Variants in NSUN6 observed in about 807,000 individuals in gnomAD.
The protein encoded by NSUN6 is NOP2/Sun RNA methyltransferase 6, also known as tRNA (cytosine(72)-C(5))-methyltransferase NSUN6.
Under a neutral mutation model 58.0 loss-of-function variants are expected in NSUN6, and 64 were observed. The ratio of observed to expected loss-of-function variants is 1.10; its 90% CI spans 0.90 to 1.36. NSUN6 has a LOEUF of 1.36. NSUN6 is among the 40% of genes most tolerant of loss of function. The probability of loss-of-function intolerance (pLI) is 0.00; values close to 1 mark genes in which losing one functional copy is unlikely to be tolerated. For synonymous variants in NSUN6, 231 were observed against 193.9 expected (o/e 1.19, Z -1.59); for missense variants, 701 against 550.1 (o/e 1.27, Z -2.74).
At chr10:18,630,865 T>C (rs1327305801) in intron 3 of NSUN6, among the ~76,000 whole-genome samples, 140 of 152,010 alleles carry the variant, frequency 9.2e-4, no homozygotes, top group African/African-American at 2.8e-3. Flanking sequence ...ACTATTCCAA[T>C]CAATAGAAAA....
chr10:18,627,062 T>A (rs1343625458), intron 3 of NSUN6, among the ~76,000 whole-genome samples: 2 of 152,224 alleles, frequency 1.3e-5, no homozygotes, highest in Non-Finnish European at 2.9e-5. Flanking sequence ...TTTTAAAGGC[T>A]CTTTTATCAA....
intron 2 of NSUN6, among the ~76,000 whole-genome samples, chr10:18,647,734 T>TG (rs1564849149): frequency 7.7e-6 from 1 of 129,974 alleles, no homozygotes; most frequent in African/African-American, 2.8e-5. Context: ...TGTTTTTTTT[T>TG]TTTTTTTTTT....
intron 3 of NSUN6, among the ~76,000 whole-genome samples, chr10:18,626,693 G>A (rs771845038): frequency 3.3e-4 from 50 of 152,316 alleles, no homozygotes; most frequent in Non-Finnish European, 4.6e-4. Context: ...ACTTGAACAC[G>A]GAGGTGGAGG....
At chr10:18,608,081 A>C (rs2058103900) in intron 6 of NSUN6, among the ~76,000 whole-genome samples, 1 of 152,236 alleles carries the variant, frequency 6.6e-6, no homozygotes, top group Non-Finnish European at 1.5e-5. Context: ...AACAGCTTTC[A>C]CTAGAGAAAT....
At chr10:18,622,711 G>A (rs533227923) in intron 3 of NSUN6, among the ~76,000 whole-genome samples, 7 of 152,072 alleles carry the variant, frequency 4.6e-5, no homozygotes, top group Admixed American at 1.3e-4. Flanking sequence ...CTCCGCCTTG[G>A]GGGGAAAAAG....
intron 8 of NSUN6, among the ~76,000 whole-genome samples, chr10:18,584,505 A>G (rs2057040850): frequency 2.0e-5 from 3 of 152,210 alleles, no homozygotes; most frequent in Admixed American, 2.0e-4. Flanking sequence ...TACAAAAATG[A>G]AGACAAATGA....
At chr10:18,627,630 T>G (rs1017090294) in intron 3 of NSUN6, among the ~76,000 whole-genome samples, 1 of 152,118 alleles carries the variant, frequency 6.6e-6, no homozygotes, top group African/African-American at 2.4e-5. Context: ...TTCCCTTTCC[T>G]AGTCAAAGAA....
intron 8 of NSUN6, among the ~76,000 whole-genome samples, chr10:18,553,824 G>A (rs1235749703): frequency 6.6e-6 from 1 of 150,594 alleles, no homozygotes; most frequent in Non-Finnish European, 1.5e-5. Flanking sequence ...ATGGAGAATA[G>A]AGTAGAATAG....
At chr10:18,595,402 T>C (rs770432465) in intron 7 of NSUN6, among the ~76,000 whole-genome samples, 3 of 152,236 alleles carry the variant, frequency 2.0e-5, no homozygotes, top group Non-Finnish European at 2.9e-5. Context: ...TGCCATAATT[T>C]AATGGAGAAT....
At chr10:18,637,488 G>A (rs904132153) in intron 3 of NSUN6, among the ~76,000 whole-genome samples, 1 of 152,176 alleles carries the variant, frequency 6.6e-6, no homozygotes, top group African/African-American at 2.4e-5. Flanking sequence ...GAACTAAAAT[G>A]GCCAGTACTG....
upstream of NSUN6, among the ~76,000 whole-genome samples, chr10:18,656,548 G>A (rs532874940): frequency 6.6e-6 from 1 of 152,094 alleles, no homozygotes; most frequent in South Asian, 2.1e-4. Context: ...AAAAAGCAAT[G>A]GACAAATTGA....
At position 18,619,249 on chromosome 10, in the gene NSUN6, A is replaced by C. The variant is rs559156800; in HGVS notation, c.312-2956T>G. On this transcript the variant is annotated intron_variant, in intron 3 of 10. Transcript: ENST00000377304. ...GAATTGGCTTGGGACCAAACAGTTA[A>C]TTTCCCAGTTTGCAGGTTCCAATTT... 2.6e-5 allele frequency among the ~76,000 whole-genome samples: 4 copies of C among 152,174 alleles called. No individual in the cohort carries two copies. The South Asian group carries it at 8.3e-4, about 32-fold the overall frequency.
chr10:18,618,372 C>T (rs2058485462), intron 3 of NSUN6, among the ~76,000 whole-genome samples: 1 of 152,010 alleles, frequency 6.6e-6, no homozygotes, highest in Non-Finnish European at 1.5e-5. Flanking sequence ...ATTCTCTATA[C>T]CTGAGACTCA....
chr10:18,640,536 A>G lies in NSUN6; in HGVS notation c.311+1940T>C, dbSNP rs76745126. On this transcript the variant is annotated intron_variant, in intron 3 of 10. Coordinates refer to ENST00000377304, the MANE Select transcript of NSUN6 (RefSeq NM_182543.5). ...TAGTAACCTCCAAAGATCTGTGATT[A>G]TGGTCTATTATAGTAGCAGCTAACT... Among the ~76,000 whole-genome samples the G allele has an allele frequency of 5.5e-4, 84 of 152,326 alleles. 2 individuals carry two copies. In the East Asian group the frequency reaches 0.016, roughly 28 times the overall value.
At chr10:18,557,947 G>T (rs12217191) in intron 8 of NSUN6, among the ~76,000 whole-genome samples, 115,331 of 151,522 alleles carry the variant, frequency 0.76, 43,992 homozygotes, top group East Asian at 0.97. Context: ...GAGAATGGAA[G>T]GTAATCAAGA....
chr10:18,654,053 A>G (rs745358847), upstream of NSUN6, among the ~76,000 whole-genome samples: 1 of 152,192 alleles, frequency 6.6e-6, no homozygotes, highest in Non-Finnish European at 1.5e-5. Flanking sequence ...ATGTCTAGAA[A>G]GGCTCTTTAG....
intron 7 of NSUN6, among the ~76,000 whole-genome samples, chr10:18,595,978 A>G (rs1589998982): frequency 6.6e-6 from 1 of 152,250 alleles, no homozygotes; most frequent in African/African-American, 2.4e-5. Context: ...TTAACAGATT[A>G]AGTCTATAAT....
intron 3 of NSUN6, among the ~76,000 whole-genome samples, chr10:18,632,205 T>G (rs1334400941): frequency 6.6e-6 from 1 of 152,046 alleles, no homozygotes; most frequent in Non-Finnish European, 1.5e-5. Context: ...TAGCCATATG[T>G]AGAAAGCTGA....
chr10:18,632,167 G>T lies in NSUN6; in HGVS notation c.311+10309C>A, dbSNP rs868191836. Among the ~76,000 whole-genome samples, 1,038 of 151,864 alleles carry T rather than the reference G, an allele frequency of 6.8e-3. 6 individuals carry two copies. Among genetic ancestry groups the T allele is most frequent in the Middle Eastern group, 0.024 (7 of 294 alleles). On this transcript the variant is annotated intron_variant, in intron 3 of 10. Coordinates refer to ENST00000377304, the MANE Select transcript of NSUN6 (RefSeq NM_182543.5). ...CAAGCAATGGGGAAAGGATTCCCTA[G>T]TTAATAAATGGTGCTGGCAAAACTG...
Sources: allele counts gnomAD v4.1 joint callset (sites outside exome capture counted in the v4.1 genomes callset), GRCh38; gene constraint gnomAD v4.1.1; transcripts MANE v1.5; gene names NCBI Gene and HGNC (gene_info 2026-07-23, HGNC 2026-07-21).